VAV1: variants seen among roughly 807,000 people sequenced by gnomAD.
VAV1 encodes the protein proto-oncogene vav.
Under a neutral mutation model 128.1 loss-of-function variants are expected in VAV1, and 33 were observed. The ratio of observed to expected loss-of-function variants is 0.26; its 90% CI spans 0.20 to 0.34. The LOEUF is 0.34. Ranked by LOEUF, VAV1 falls within the 10% of genes least tolerant of loss-of-function variation. The pLI is 1.00. For missense variants in VAV1, 715 were observed against 1,093.7 expected (o/e 0.65, Z 4.88); for synonymous variants, 394 against 409.8 (o/e 0.96, Z 0.47).
chr19:6,827,799 C>T lies in VAV1; in HGVS notation c.928-277C>T, dbSNP rs568187092. Among the ~76,000 whole-genome samples the T allele has an allele frequency of 2.0e-3, 310 of 151,792 alleles. 2 individuals carry two copies. The highest frequency in any genetic ancestry group is 6.4e-3 in the African/African-American group (265 of 41,400). On this transcript the variant is annotated intron_variant, in intron 9 of 26. Transcript: ENST00000602142. ...TTTCATAGCAGAGACGGGGTTTCCCCGTGTTGGCCAGGCTGGTCTTGAACT... is the reference window on the plus strand; with the variant it reads ...TTTCATAGCAGAGACGGGGTTTCCCTGTGTTGGCCAGGCTGGTCTTGAACT...
intron 1 of VAV1, among the ~76,000 whole-genome samples, chr19:6,810,916 C>T (rs1378723308): frequency 1.3e-5 from 2 of 152,160 alleles, no homozygotes; most frequent in Non-Finnish European, 2.9e-5. Context: ...GTTTCCCCAG[C>T]TGTAAGCAAA....
At chr19:6,810,953 C>T (rs1039399667) in intron 1 of VAV1, among the ~76,000 whole-genome samples, 1 of 152,200 alleles carries the variant, frequency 6.6e-6, no homozygotes, top group Non-Finnish European at 1.5e-5. Context: ...AAAAGGCATG[C>T]TTTCAACTGT....
intron 1 of VAV1, among the ~76,000 whole-genome samples, chr19:6,812,557 G>A (rs1971536651): frequency 1.3e-5 from 2 of 152,190 alleles, no homozygotes; most frequent in East Asian, 1.9e-4. Flanking sequence ...CTGTTCGAGA[G>A]GCTGAGGCAC....
At chr19:6,805,812 A>T (rs1379008425) in intron 1 of VAV1, among the ~76,000 whole-genome samples, 1 of 152,016 alleles carries the variant, frequency 6.6e-6, no homozygotes, top group Non-Finnish European at 1.5e-5. Flanking sequence ...ATTTATATGA[A>T]TAAAAAAGAA....
In VAV1 at chr19:6,798,177, G is replaced by A. The variant is rs1971182828; in HGVS notation, c.205-22525G>A. Among the ~76,000 whole-genome samples, 6 of 151,926 alleles carry A rather than the reference G, an allele frequency of 3.9e-5. No homozygotes were observed. The South Asian group carries it at 1.2e-3, about 32-fold the overall frequency. On this transcript the variant is annotated intron_variant, in intron 1 of 26. Coordinates refer to ENST00000602142, the MANE Select transcript of VAV1 (RefSeq NM_005428.4). ...CTATAATCCCAGCTACTCAGGAGGT[G>A]GAGGCAGGAGAATCGCTTGAACCTG... is the stretch of plus-strand genomic sequence containing the variant.
At chr19:6,779,028 C>CATGTTGCCCA (rs1324070568) in intron 1 of VAV1, among the ~76,000 whole-genome samples, 67 of 145,612 alleles carry the variant, frequency 4.6e-4, no homozygotes, top group Non-Finnish European at 7.6e-4. Flanking sequence ...AGGTGTGCAC[C>CATGTTGCCCA]GGCATACCTG....
At chr19:6,855,292 G>A (rs1193142203) in intron 26 of VAV1, among the ~76,000 whole-genome samples, 1 of 152,206 alleles carries the variant, frequency 6.6e-6, no homozygotes, top group Non-Finnish European at 1.5e-5. Context: ...AAACATTGGA[G>A]GGTCAGTTTA....
intron 1 of VAV1, among the ~76,000 whole-genome samples, chr19:6,773,934 C>A (rs1183879781): frequency 1.3e-5 from 2 of 151,982 alleles, no homozygotes; most frequent in Non-Finnish European, 2.9e-5. Flanking sequence ...TATCCTGGGG[C>A]CTGGGGGACA....
chr19:6,773,699 G>A (rs934491797), intron 1 of VAV1, among the ~76,000 whole-genome samples: 98 of 152,288 alleles, frequency 6.4e-4, no homozygotes, highest in African/African-American at 2.2e-3. Flanking sequence ...TTTCTGCAGG[G>A]GCCCAGGCTG....
At chr19:6,786,109 T>C (rs118024974) in intron 1 of VAV1, among the ~76,000 whole-genome samples, 2,696 of 152,314 alleles carry the variant, frequency 0.018, 32 homozygotes, top group South Asian at 0.061. Flanking sequence ...ATTTGCTTAT[T>C]ACCTGTTTTC....
In VAV1 at chr19:6,854,066, C is replaced by T; in HGVS notation, c.2452C>T (p.Gln818Ter). The change falls in exon 26 of 27, where the codon CAA (glutamine) becomes TAA (stop). Residue 818 changes from glutamine to a stop codon, truncating the protein, a stop_gained. Transcript: ENST00000602142. LOFTEE classifies it high-confidence loss of function. ...IIKILNKKGQ[Q>*]GWWRGEIYGR... ...CAAGATCCTTAACAAGAAGGGACAG[C>T]AAGGCTGGTGGCGAGGGGAGATCTA... 1 of 1,613,684 alleles carries T rather than the reference C, an allele frequency of 6.2e-7. No individual in the cohort carries two copies.
intron 1 of VAV1, among the ~76,000 whole-genome samples, chr19:6,789,220 G>C (rs1207059117): frequency 6.6e-6 from 1 of 151,962 alleles, no homozygotes; most frequent in Non-Finnish European, 1.5e-5. Context: ...CTTTGAATTA[G>C]AATATTTATT....
At position 6,828,461 on chromosome 19, in the gene VAV1, C is replaced by G. The variant is rs760972545; in HGVS notation, c.1066C>G (p.Leu356Val). 1 of 1,614,170 alleles carries G rather than the reference C, an allele frequency of 6.2e-7. No individual in the cohort carries two copies. The highest frequency in any genetic ancestry group is 1.1e-5 in the South Asian group (1 of 91,076). The change falls in exon 11 of 27, where the codon CTG becomes GTG. Residue 356 changes from leucine to valine, a missense_variant. Transcript: ENST00000602142. This position sits in a 1 kb window ranked among gnomAD's most constrained non-coding sequence, Gnocchi z 4.5. ...HTQEAMEKENLRLALDAMRDL... is the reference protein window; with the variant it reads ...HTQEAMEKENVRLALDAMRDL... ...GCAGGAGGCGATGGAGAAGGAGAAC[C>G]TGCGGCTGGCCCTGGATGCCATGAG...
intron 21 of VAV1, among the ~76,000 whole-genome samples, chr19:6,839,624 T>G (rs1972322575): frequency 6.6e-6 from 1 of 152,120 alleles, no homozygotes; most frequent in Non-Finnish European, 1.5e-5. Context: ...GTAGAGGCGG[T>G]GATTCCTCAT....
At position 6,844,063 on chromosome 19, in the gene VAV1, CTTTTTTTTTTTTTTTTTTTTTTTTTT is replaced by C. The variant is rs71177123; in HGVS notation, c.2012+913_2012+938del. 3.8e-4 allele frequency among the ~76,000 whole-genome samples: 8 copies of C among 21,326 alleles called. No individual in the cohort carries two copies. In the East Asian group the frequency reaches 6.7e-3, roughly 18 times the overall value. 14.0% of individuals were successfully genotyped at this position (21,326 alleles called of 152,430 possible). On this transcript the variant is annotated intron_variant, in intron 22 of 26. Transcript: ENST00000602142. ...ACTTTCTTCTTTTCTTCTTCTTCTTCTTTTTTTTTTTTTTTTTTTTTTTTTTTTTTTTTTTTTTTTTGCAAATGAGG... is the reference window on the plus strand; with the variant it reads ...ACTTTCTTCTTTTCTTCTTCTTCTTCTTTTTTTTTTTTTTTGCAAATGAGG...
chr19:6,822,104 G>T lies in VAV1; in HGVS notation c.450-117G>T. On this transcript the variant is annotated intron_variant, in intron 4 of 26. Transcript: ENST00000602142. This position sits in a 1 kb window ranked among gnomAD's most constrained non-coding sequence, Gnocchi z 5.9. Reference sequence around the variant, plus strand: ...GCTTGGAGGGACATGGCCTGCCCTTGGAGTCTGAGGTCCCACCCTTGGAGT... The same window carrying T: ...GCTTGGAGGGACATGGCCTGCCCTTTGAGTCTGAGGTCCCACCCTTGGAGT... 9.0e-7 allele frequency: 1 copy of T among 1,109,298 alleles called. No homozygotes were observed. The highest frequency in any genetic ancestry group is 1.3e-6 in the Non-Finnish European group (1 of 762,746). The allele number at this position is 1,109,298 out of a possible 1,614,324, so 68.7% of individuals were successfully genotyped here.
At chr19:6,816,646 C>T (rs766871525) in intron 1 of VAV1, among the ~76,000 whole-genome samples, 5 of 152,020 alleles carry the variant, frequency 3.3e-5, no homozygotes, top group Non-Finnish European at 5.9e-5. Flanking sequence ...ATCCCCACAC[C>T]GATCTAAGCC....
At chr19:6,843,305 C>A in intron 22 of VAV1, 139 bp downstream of exon 22, 1 of 920,896 alleles carries the variant, frequency 1.1e-6, no homozygotes, top group Non-Finnish European at 1.7e-6. Context: ...TAGCTCTGGG[C>A]TGGGGGCTGC....
intron 24 of VAV1, among the ~76,000 whole-genome samples, chr19:6,852,720 C>CA (rs201171114): frequency 0.086 from 11,945 of 138,474 alleles, 1,442 homozygotes; most frequent in African/African-American, 0.32. Context: ...GACTCCGTCT[C>CA]AAAGAAAAAA....
Sources: allele counts gnomAD v4.1 joint callset (sites outside exome capture counted in the v4.1 genomes callset), GRCh38; gene constraint gnomAD v4.1.1; non-coding constraint Gnocchi (gnomAD v3.1); transcripts MANE v1.5; gene names NCBI Gene and HGNC (gene_info 2026-07-23, HGNC 2026-07-21).